The following RASSF8 variants were observed in gnomAD, a reference collection of about 807,000 sequenced individuals.
The protein encoded by RASSF8 is Ras association domain family member 8.
In RASSF8, 22 loss-of-function variants were observed where a neutral mutation model predicts 48.5. That is an observed-to-expected ratio of 0.45 (90% CI 0.32 to 0.65). The LOEUF is 0.65. RASSF8 is among the 30% of genes least tolerant of loss of function. RASSF8 has a pLI of 0.03. For missense variants in RASSF8, 418 were observed against 489.2 expected, an observed-to-expected ratio of 0.85 and a Z score of 1.37; for synonymous variants, 127 against 171.5, an observed-to-expected ratio of 0.74 and a Z score of 2.03.
chr12:26,013,332 A>G lies in RASSF8; in HGVS notation c.-109+18202A>G, dbSNP rs2137032204. ...CTTTAAAATTCATAAGACACTTTTA[A>G]GTAGTGAGTATATTTTAATTGCTTA... On this transcript the variant is annotated intron_variant, in intron 2 of 5. Coordinates refer to ENST00000689635, the MANE Select transcript of RASSF8 (RefSeq NM_001394098.1). Among the ~76,000 whole-genome samples, 3 of 152,358 alleles carry G rather than the reference A, an allele frequency of 2.0e-5. No homozygotes were observed. In the South Asian group the frequency reaches 6.2e-4, roughly 32 times the overall value.
At chr12:26,015,894 C>T (rs1942637843) in intron 2 of RASSF8, among the ~76,000 whole-genome samples, 1 of 152,060 alleles carries the variant, frequency 6.6e-6, no homozygotes, top group African/African-American at 2.4e-5. Flanking sequence ...CACAAGGCGG[C>T]ACTTCTCTAT....
chr12:26,061,714 G>A (rs1048872001), intron 3 of RASSF8, among the ~76,000 whole-genome samples: 1 of 152,176 alleles, frequency 6.6e-6, no homozygotes, highest in Non-Finnish European at 1.5e-5. Flanking sequence ...AATAGAATCT[G>A]TAGAGTGCTG....
intron 2 of RASSF8, among the ~76,000 whole-genome samples, chr12:26,027,729 G>T (rs1942946113): frequency 1.3e-5 from 2 of 152,192 alleles, no homozygotes; most frequent in South Asian, 4.1e-4. Context: ...CCTATTATGT[G>T]TTAGGCACAT....
chr12:25,998,768 G>A (rs1942189840), intron 2 of RASSF8, among the ~76,000 whole-genome samples: 1 of 151,928 alleles, frequency 6.6e-6, no homozygotes, highest in Non-Finnish European at 1.5e-5. Flanking sequence ...GGTGGTAAGA[G>A]TGAGTATGTG....
intron 2 of RASSF8, among the ~76,000 whole-genome samples, chr12:26,005,824 T>G (rs1942377666): frequency 6.6e-6 from 1 of 152,216 alleles, no homozygotes; most frequent in African/African-American, 2.4e-5. Context: ...TAGGCTATAC[T>G]TGCTCCTTAG....
At chr12:26,048,400 T>C (rs1187105718) in intron 2 of RASSF8, among the ~76,000 whole-genome samples, 2 of 151,610 alleles carry the variant, frequency 1.3e-5, no homozygotes, top group East Asian at 3.9e-4. Flanking sequence ...AAGGCTGGAG[T>C]GGTAGAGAGG....
At chr12:26,060,338 A>G (rs1265349919) in intron 3 of RASSF8, among the ~76,000 whole-genome samples, 1 of 152,096 alleles carries the variant, frequency 6.6e-6, no homozygotes, top group Non-Finnish European at 1.5e-5. Context: ...GCTGACAGGT[A>G]TATTCAGAGA....
intron 1 of RASSF8, among the ~76,000 whole-genome samples, chr12:25,975,870 CTG>C (rs1283677427): frequency 6.6e-6 from 1 of 152,140 alleles, no homozygotes; most frequent in African/African-American, 2.4e-5. Flanking sequence ...AGCCAGAAAA[CTG>C]TGGTGGTGGC....
At chr12:25,970,242 G>A (rs1941454704) in intron 1 of RASSF8, among the ~76,000 whole-genome samples, 1 of 152,056 alleles carries the variant, frequency 6.6e-6, no homozygotes. Flanking sequence ...TTATGGTGCT[G>A]AATGTCCGGA....
intron 2 of RASSF8, among the ~76,000 whole-genome samples, chr12:25,996,599 T>TC (rs1265928217): frequency 6.6e-6 from 1 of 152,218 alleles, no homozygotes; most frequent in Non-Finnish European, 1.5e-5. Flanking sequence ...TGAAGAGTTT[T>TC]CATTTTTTGC....
At position 26,005,722 on chromosome 12, in the gene RASSF8, A is replaced by G. The variant is rs12297843; in HGVS notation, c.-109+10592A>G. On this transcript the variant is annotated intron_variant, in intron 2 of 5. Transcript: ENST00000689635. ...AAGGTTCATATCAGATGGGAAAAATACAGCTTTTATTGCCACATAATACCA... is the reference window on the plus strand; with the variant it reads ...AAGGTTCATATCAGATGGGAAAAATGCAGCTTTTATTGCCACATAATACCA... Among the ~76,000 whole-genome samples, 1,069 of 152,332 alleles carry G rather than the reference A, an allele frequency of 7.0e-3. 13 individuals carry two copies. The highest frequency in any genetic ancestry group is 0.024 in the African/African-American group (1,014 of 41,574).
chr12:26,019,469 G>T (rs565115490), intron 2 of RASSF8, among the ~76,000 whole-genome samples: 201 of 152,180 alleles, frequency 1.3e-3, no homozygotes, highest in African/African-American at 4.6e-3. Context: ...TAACTGTGGT[G>T]CAACAAAATC....
At chr12:26,078,479 G>A (rs1944089909) in intron 5 of RASSF8, among the ~76,000 whole-genome samples, 1 of 152,212 alleles carries the variant, frequency 6.6e-6, no homozygotes. Context: ...CTTTCTGTTT[G>A]TAAGCAACAG....
chr12:25,985,843 G>A (rs1016869674), intron 1 of RASSF8, among the ~76,000 whole-genome samples: 1 of 152,200 alleles, frequency 6.6e-6, no homozygotes, highest in Non-Finnish European at 1.5e-5. Flanking sequence ...AGCAGACAGG[G>A]CTGGATTCGT....
Position 26,072,473 on chromosome 12 carries a change from T to C in RASSF8, c.*3655T>C. 1.0e-6 allele frequency: 1 copy of C among 960,094 alleles called. No homozygotes were observed. The highest frequency in any genetic ancestry group is 1.2e-6 in the Non-Finnish European group (1 of 806,894). 59.5% of individuals were successfully genotyped at this position (960,094 alleles called of 1,614,324 possible). A position where few individuals can be genotyped will look rare whatever the true frequency, so the allele number is the denominator to read the frequency against. On this transcript the variant is annotated 3_prime_UTR_variant, in exon 6 of 6. Transcript: ENST00000689635. Reference sequence around the variant, plus strand: ...CAAATAAATGCAGAAAACTATTTCGTATACTAATTATATTAAACCAGCAGA... The same window carrying C: ...CAAATAAATGCAGAAAACTATTTCGCATACTAATTATATTAAACCAGCAGA...
chr12:26,010,014 T>C (rs1334176828), intron 2 of RASSF8, among the ~76,000 whole-genome samples: 1 of 152,184 alleles, frequency 6.6e-6, no homozygotes, highest in Non-Finnish European at 1.5e-5. Context: ...AGAGTGGTGG[T>C]CCTGGAGTGA....
downstream of RASSF8, among the ~76,000 whole-genome samples, chr12:26,075,234 A>C (rs1046941252): frequency 6.6e-6 from 1 of 152,218 alleles, no homozygotes; most frequent in Non-Finnish European, 1.5e-5. Context: ...ACAGCCTTAA[A>C]GGGTGGTGGA....
chr12:26,029,959 T>G (rs1479524428), intron 2 of RASSF8, among the ~76,000 whole-genome samples: 1 of 152,200 alleles, frequency 6.6e-6, no homozygotes, highest in Admixed American at 6.5e-5. Flanking sequence ...TTTATTACAG[T>G]CTTTGCTGGT....
intron 2 of RASSF8, among the ~76,000 whole-genome samples, chr12:26,008,350 A>G (rs755752649): frequency 5.9e-5 from 9 of 152,194 alleles, no homozygotes; most frequent in Non-Finnish European, 1.2e-4. Flanking sequence ...AGTTGATGTA[A>G]TGTTGTTCCA....
Sources: gnomAD v4.1 joint callset for allele counts (sites outside exome capture counted in the v4.1 genomes callset) on GRCh38, gnomAD v4.1.1 for gene constraint, MANE v1.5 for transcripts, NCBI Gene and HGNC (gene_info 2026-07-23, HGNC 2026-07-21) for gene names.